BANP: variants seen among roughly 807,000 people sequenced by gnomAD.
BANP encodes the protein BTG3 associated nuclear protein, also known as protein BANP.
A neutral mutation model predicts 68.1 loss-of-function variants in BANP; 11 were observed. That is an observed-to-expected ratio of 0.16 (90% CI 0.10 to 0.27). The LOEUF is 0.27. Among genes scored for constraint, BANP ranks in the 10% least tolerant of loss-of-function variants. BANP has a pLI of 1.00. For synonymous variants in BANP, 329 were observed against 303.2 expected (o/e 1.09, Z -0.88); for missense variants, 504 against 722.7 (o/e 0.70, Z 3.47).
intron 4 of BANP, among the ~76,000 whole-genome samples, chr16:87,994,964 T>G (rs2066792891): frequency 6.6e-6 from 1 of 152,176 alleles, no homozygotes; most frequent in Non-Finnish European, 1.5e-5. Flanking sequence ...GTGTGGGCGA[T>G]TCTGGTCCTC....
intron 6 of BANP, among the ~76,000 whole-genome samples, chr16:88,013,485 C>T (rs1294977579): frequency 2.0e-5 from 3 of 152,118 alleles, no homozygotes; most frequent in African/African-American, 7.2e-5. Context: ...CCGCCCCATG[C>T]CTAGTTCCTA....
Position 88,064,100 on chromosome 16 carries a change from A to T in BANP, c.1312-1167A>T, listed in dbSNP as rs1440516330. ...GGAACAAGGTGTGGGGGCCAACCAC[A>T]AGCAGGCACCGGCGCTGGGGGACCA... is the stretch of plus-strand genomic sequence containing the variant. On this transcript the variant is annotated intron_variant, in intron 11 of 13. Coordinates refer to ENST00000682872, the MANE Select transcript of BANP (RefSeq NM_001386991.1). This position sits in a 1 kb window ranked among gnomAD's most constrained non-coding sequence, Gnocchi z 4.5. Among the ~76,000 whole-genome samples the T allele has an allele frequency of 1.3e-5, 2 of 152,028 alleles. No homozygotes were observed. The highest frequency in any genetic ancestry group is 1.3e-4 in the Admixed American group (2 of 15,268).
intron 4 of BANP, among the ~76,000 whole-genome samples, chr16:87,996,160 G>A (rs950250618): frequency 6.6e-6 from 1 of 152,144 alleles, no homozygotes; most frequent in Non-Finnish European, 1.5e-5. Context: ...AGCCACCGAC[G>A]GCGGTGTCTG....
intron 13 of BANP, among the ~76,000 whole-genome samples, 177 bp downstream of exon 13, chr16:88,072,389 T>A (rs929057418): frequency 3.3e-5 from 5 of 152,288 alleles, no homozygotes; most frequent in Admixed American, 6.5e-5. Context: ...AACGTGAAGG[T>A]GAGAAGGTAG....
intron 1 of BANP, 50 bp from the exon 2 acceptor site, chr16:87,974,998 G>T (rs1426606869): frequency 2.4e-6 from 2 of 825,224 alleles, no homozygotes; most frequent in Non-Finnish European, 4.0e-6. Flanking sequence ...ATAATTTCAC[G>T]TGTAGCGATG....
intron 4 of BANP, among the ~76,000 whole-genome samples, chr16:88,001,248 G>A (rs1436468122): frequency 3.1e-5 from 4 of 129,604 alleles, no homozygotes; most frequent in African/African-American, 3.2e-5. Flanking sequence ...GCACGTGCGC[G>A]GCTGGACTTA....
In BANP at chr16:87,960,744, T is replaced by A. The variant is rs551051206; in HGVS notation, c.-69+9229T>A. Among the ~76,000 whole-genome samples the A allele has an allele frequency of 3.3e-5, 5 of 152,282 alleles. No homozygotes were observed. In the South Asian group the frequency reaches 8.3e-4, roughly 25 times the overall value. Reference sequence around the variant, plus strand: ...TTGAAGTTGGGTGGTTGTTGAGGGATTATTTGAGTTGTAGTTGAACTAGCT... The same window carrying A: ...TTGAAGTTGGGTGGTTGTTGAGGGAATATTTGAGTTGTAGTTGAACTAGCT... On this transcript the variant is annotated intron_variant, in intron 1 of 13. Transcript: ENST00000682872.
intron 11 of BANP, among the ~76,000 whole-genome samples, chr16:88,053,415 C>G (rs546831200): frequency 6.6e-5 from 10 of 150,946 alleles, no homozygotes; most frequent in South Asian, 4.2e-4. Context: ...ACACAACCAC[C>G]TTTACCACCA....
At chr16:88,022,466 T>A (rs1484453548) in intron 7 of BANP, among the ~76,000 whole-genome samples, 1 of 152,222 alleles carries the variant, frequency 6.6e-6, no homozygotes, top group Non-Finnish European at 1.5e-5. Flanking sequence ...ACCTGTCAGA[T>A]GATTGTAGTT....
chr16:88,071,429 T>G lies in BANP; in HGVS notation c.1378-640T>G, dbSNP rs754970356. The G allele has an allele frequency of 2.2e-6, 1 of 455,762 alleles. No homozygotes were observed. Among genetic ancestry groups the G allele is most frequent in the South Asian group, 1.5e-5 (1 of 64,518 alleles). 28.2% of individuals were successfully genotyped at this position (455,762 alleles called of 1,614,324 possible). A position where few individuals can be genotyped will look rare whatever the true frequency, so the allele number is the denominator to read the frequency against. Reference sequence around the variant, plus strand: ...AGAGCCCACCCAGGGGCCTCGCCTGTCCCCCATTCTCATTCCATACTCTGG... The same window carrying G: ...AGAGCCCACCCAGGGGCCTCGCCTGGCCCCCATTCTCATTCCATACTCTGG... On this transcript the variant is annotated intron_variant, in intron 12 of 13. Transcript: ENST00000682872. The surrounding 1 kb of genome is among the most constrained non-coding windows in gnomAD (Gnocchi z 6.5).
In BANP at chr16:87,952,966, C is replaced by T. The variant is rs370030486; in HGVS notation, c.-69+1451C>T. Among the ~76,000 whole-genome samples the T allele has an allele frequency of 9.2e-5, 14 of 152,226 alleles. 1 individual carries two copies. Among genetic ancestry groups the T allele is most frequent in the Admixed American group, 5.9e-4 (9 of 15,296 alleles). ...TGTATTTTTCGTAGAGAGGGGGTTT[C>T]GCCTTGTTGTCCAGCCTGGGGCTTT... is the stretch of plus-strand genomic sequence containing the variant. On this transcript the variant is annotated intron_variant, in intron 1 of 13. Transcript: ENST00000682872.
chr16:87,961,748 T>C (rs897165806), intron 1 of BANP, among the ~76,000 whole-genome samples: 2 of 152,166 alleles, frequency 1.3e-5, no homozygotes, highest in African/African-American at 4.8e-5. Context: ...GGTGATTGGA[T>C]CATGAGGGCT....
chr16:87,953,785 CT>C (rs1170255957), intron 1 of BANP, among the ~76,000 whole-genome samples: 1 of 152,158 alleles, frequency 6.6e-6, no homozygotes, highest in Non-Finnish European at 1.5e-5. Context: ...AGCCCCTGTC[CT>C]TCTCATCTGG....
intron 7 of BANP, among the ~76,000 whole-genome samples, chr16:88,021,672 A>G (rs966888224): frequency 6.6e-6 from 1 of 152,210 alleles, no homozygotes; most frequent in African/African-American, 2.4e-5. Context: ...AAAACAAATG[A>G]AATAAATGCA....
At chr16:88,006,564 T>G (rs2071202489) in intron 6 of BANP, among the ~76,000 whole-genome samples, 1 of 150,876 alleles carries the variant, frequency 6.6e-6, no homozygotes, top group Non-Finnish European at 1.5e-5. Context: ...GAGAATCGCT[T>G]GAGCCTGGGA....
intron 1 of BANP, among the ~76,000 whole-genome samples, chr16:87,968,425 G>T (rs1364122674): frequency 6.7e-6 from 1 of 150,056 alleles, no homozygotes; most frequent in Admixed American, 6.7e-5. Context: ...CAGAGGTTGC[G>T]GTGAGCTGAG....
chr16:88,028,831 C>G (rs930339010), intron 8 of BANP, among the ~76,000 whole-genome samples: 2 of 152,116 alleles, frequency 1.3e-5, no homozygotes, highest in Non-Finnish European at 2.9e-5. Context: ...TGGCATGATA[C>G]CATTTTTATT....
chr16:87,995,865 G>C (rs571168780), intron 4 of BANP, among the ~76,000 whole-genome samples: 3 of 152,238 alleles, frequency 2.0e-5, no homozygotes, highest in Admixed American at 2.0e-4. Flanking sequence ...TGTTCATGCC[G>C]TGAGCTGGAG....
intron 9 of BANP, among the ~76,000 whole-genome samples, chr16:88,034,069 A>G (rs1301050962): frequency 6.6e-6 from 1 of 152,102 alleles, no homozygotes; most frequent in African/African-American, 2.4e-5. Flanking sequence ...ATGGTCCTCC[A>G]CTATTGAGAG....
Sources: allele counts gnomAD v4.1 joint callset (sites outside exome capture counted in the v4.1 genomes callset), GRCh38; gene constraint gnomAD v4.1.1; non-coding constraint Gnocchi (gnomAD v3.1); transcripts MANE v1.5; gene names NCBI Gene and HGNC (gene_info 2026-07-23, HGNC 2026-07-21).